Variants in LRP1B observed in about 807,000 individuals in gnomAD.
The protein encoded by LRP1B is LDL receptor related protein 1B.
LRP1B carries 217 observed loss-of-function variants against 556.6 expected under a neutral mutation model. The observed-to-expected ratio is 0.39, with a 90% CI of 0.35 to 0.44. LRP1B has a LOEUF of 0.44. Among genes scored for constraint, LRP1B ranks in the 20% least tolerant of loss-of-function variants. LRP1B has a pLI of 1.00. For missense variants in LRP1B, 5,053 were observed against 5,620.8 expected (o/e 0.90, Z 3.23); for synonymous variants, 2,047 against 1,865.8 (o/e 1.10, Z -2.50).
intron 11 of LRP1B, among the ~76,000 whole-genome samples, chr2:141,043,267 AAAAAG>A (rs1452411452): frequency 2.0e-5 from 3 of 151,072 alleles, no homozygotes; most frequent in Non-Finnish European, 4.4e-5. Context: ...AAATAAAAAG[AAAAAG>A]AAAAGAAAAG....
intron 1 of LRP1B, among the ~76,000 whole-genome samples, chr2:142,020,948 A>G (rs1396810133): frequency 6.6e-6 from 1 of 152,214 alleles, no homozygotes; most frequent in East Asian, 1.9e-4. Flanking sequence ...ACTAATTGCA[A>G]AGTTGCAAGA....
At chr2:140,537,866 C>A (rs1482048351) in intron 45 of LRP1B, among the ~76,000 whole-genome samples, 1 of 151,980 alleles carries the variant, frequency 6.6e-6, no homozygotes, top group Non-Finnish European at 1.5e-5. Flanking sequence ...CTATTGAGGA[C>A]AATGGACTTA....
At position 140,922,991 on chromosome 2, in the gene LRP1B, T is replaced by C. The variant is rs530281711; in HGVS notation, c.3293A>G (p.Lys1098Arg). The change falls in exon 21 of 91, where the codon AAA (lysine) becomes AGA (arginine). Residue 1098 changes from lysine (K) to arginine (R), a missense_variant. Coordinates refer to ENST00000389484, the MANE Select transcript of LRP1B (RefSeq NM_018557.3). ...TGTACTCCAACAGGAAAACTTGGTT[T>C]TGTGGTCACACAATCGTATGGTACC... ...CNGTIRLCDHKTKFSCWSTGR... is the reference protein window; with the variant it reads ...CNGTIRLCDHRTKFSCWSTGR... The C allele has an allele frequency of 1.2e-6, 2 of 1,612,480 alleles. No individual in the cohort carries two copies. Among genetic ancestry groups the C allele is most frequent in the African/African-American group, 1.3e-5 (1 of 74,918 alleles).
At chr2:140,949,214 CAATA>C (rs900794036) in intron 20 of LRP1B, among the ~76,000 whole-genome samples, 1 of 152,148 alleles carries the variant, frequency 6.6e-6, no homozygotes, top group Non-Finnish European at 1.5e-5. Flanking sequence ...CTTTAGTCCT[CAATA>C]AATATTTGTG....
At chr2:140,414,120 T>G in intron 66 of LRP1B, among the ~76,000 whole-genome samples, 1 of 152,054 alleles carries the variant, frequency 6.6e-6, no homozygotes, top group East Asian at 1.9e-4. Flanking sequence ...CTCACTATGT[T>G]GCCCAGACTG....
At chr2:142,078,896 A>AT (rs1161884194) in intron 1 of LRP1B, among the ~76,000 whole-genome samples, 8 of 152,148 alleles carry the variant, frequency 5.3e-5, no homozygotes, top group Non-Finnish European at 8.8e-5. Flanking sequence ...GTAGTCTCAC[A>AT]TATAGTAGAG....
chr2:140,454,274 A>G (rs4474828), intron 62 of LRP1B, among the ~76,000 whole-genome samples: 25,882 of 151,990 alleles, frequency 0.17, 2,474 homozygotes, highest in Non-Finnish European at 0.22. Flanking sequence ...TCACCCTCCC[A>G]AGTAGCTGGG....
At chr2:141,606,261 C>G (rs536432940) in intron 2 of LRP1B, among the ~76,000 whole-genome samples, 1 of 152,022 alleles carries the variant, frequency 6.6e-6, no homozygotes, top group Admixed American at 6.6e-5. Context: ...AGATTGAACA[C>G]TGAAAATAAT....
intron 2 of LRP1B, among the ~76,000 whole-genome samples, chr2:141,759,922 G>A (rs1694471541): frequency 6.6e-6 from 1 of 152,114 alleles, no homozygotes; most frequent in South Asian, 2.1e-4. Flanking sequence ...CCTGAGGTCA[G>A]GAGTTTGAGA....
At chr2:141,931,856 G>A (rs1183855430) in intron 1 of LRP1B, among the ~76,000 whole-genome samples, 5 of 152,064 alleles carry the variant, frequency 3.3e-5, no homozygotes, top group Admixed American at 6.6e-5. Flanking sequence ...CACAGAGTAT[G>A]TGACAGACAG....
intron 2 of LRP1B, among the ~76,000 whole-genome samples, chr2:141,666,182 GA>G: frequency 6.6e-6 from 1 of 152,268 alleles, no homozygotes; most frequent in Middle Eastern, 3.4e-3. Flanking sequence ...CATAAAAGAG[GA>G]GACAATTGGT....
intron 2 of LRP1B, among the ~76,000 whole-genome samples, chr2:141,708,241 A>C (rs1249207234): frequency 6.6e-6 from 1 of 151,986 alleles, no homozygotes; most frequent in Non-Finnish European, 1.5e-5. Flanking sequence ...AAAAAAAAAC[A>C]AAATTAAATC....
intron 2 of LRP1B, among the ~76,000 whole-genome samples, chr2:141,557,823 A>G (rs543046326): frequency 6.6e-6 from 1 of 152,044 alleles, no homozygotes; most frequent in African/African-American, 2.4e-5. Context: ...AGCTGTGTCT[A>G]TACCATAACT....
chr2:140,928,449 C>T (rs1157118387), intron 20 of LRP1B, among the ~76,000 whole-genome samples: 1 of 152,060 alleles, frequency 6.6e-6, no homozygotes, highest in Non-Finnish European at 1.5e-5. Flanking sequence ...AAGACCCAAG[C>T]TGATGAATAA....
chr2:141,709,356 A>AAAAT (rs1212947968), intron 2 of LRP1B, among the ~76,000 whole-genome samples: 1 of 147,450 alleles, frequency 6.8e-6, no homozygotes, highest in Non-Finnish European at 1.5e-5. Flanking sequence ...CTCAAAAAAT[A>AAAAT]AAAGAAAATA....
chr2:140,256,282 T>C (rs1681672804), intron 86 of LRP1B, among the ~76,000 whole-genome samples: 1 of 151,868 alleles, frequency 6.6e-6, no homozygotes, highest in African/African-American at 2.4e-5. Context: ...AGATTACTCA[T>C]TTCTCATAAC....
chr2:142,108,365 G>T (rs1349219), intron 1 of LRP1B, among the ~76,000 whole-genome samples: 101,611 of 151,812 alleles, frequency 0.67, 34,175 homozygotes, highest in East Asian at 0.71. Flanking sequence ...AAAATCTATA[G>T]GATCAGTCTT....
At chr2:142,080,450 G>A (rs1038062588) in intron 1 of LRP1B, among the ~76,000 whole-genome samples, 12 of 151,956 alleles carry the variant, frequency 7.9e-5, no homozygotes, top group African/African-American at 1.9e-4. Context: ...TTCACATTTC[G>A]GTCTTTGTCT....
intron 78 of LRP1B, among the ~76,000 whole-genome samples, chr2:140,335,212 G>A (rs1159390977): frequency 2.6e-5 from 4 of 151,752 alleles, no homozygotes; most frequent in South Asian, 2.1e-4. Flanking sequence ...ATATGTGTGT[G>A]TGTGTGTACC....
Sources: allele counts gnomAD v4.1 joint callset (sites outside exome capture counted in the v4.1 genomes callset), GRCh38; gene constraint gnomAD v4.1.1; transcripts MANE v1.5; gene names NCBI Gene and HGNC (gene_info 2026-07-23, HGNC 2026-07-21).